The following VWF variants were observed in gnomAD, a reference collection of about 807,000 sequenced individuals.
VWF encodes the protein Factor VIII related antigen.
A neutral mutation model predicts 308.6 loss-of-function variants in VWF; 176 were observed. The observed-to-expected ratio is 0.57, with a 90% CI of 0.50 to 0.65. The LOEUF (loss-of-function observed/expected upper bound fraction) is 0.65. Among genes scored for constraint, VWF ranks in the 30% least tolerant of loss-of-function variants. The pLI is 0.00. For synonymous variants in VWF, 1,385 were observed against 1,443.4 expected (o/e 0.96, Z 0.92); for missense variants, 3,146 against 3,648.2 (o/e 0.86, Z 3.55).
chr12:6,057,630 C>T (rs1383257097), intron 14 of VWF, among the ~76,000 whole-genome samples: 2 of 148,702 alleles, frequency 1.3e-5, no homozygotes, highest in East Asian at 2.0e-4. Context: ...TTTTCTTTCC[C>T]GGGGGTTGGC....
intron 20 of VWF, among the ~76,000 whole-genome samples, chr12:6,033,111 T>C (rs1944291671): frequency 6.6e-6 from 1 of 152,222 alleles, no homozygotes; most frequent in Non-Finnish European, 1.5e-5. Context: ...AAGATTCCAT[T>C]CAACTTAATG....
Position 6,019,786 on chromosome 12 carries a change from C to G in VWF, c.3675-43G>C. 14 of 1,568,200 alleles carry G rather than the reference C, an allele frequency of 8.9e-6. No individual in the cohort carries two copies. Among genetic ancestry groups the G allele is most frequent in the Non-Finnish European group, 1.2e-5 (14 of 1,157,832 alleles). Reference sequence around the variant, plus strand: ...GAAATTAAAATGGTTCAGGAAGAACCTGTGGACACTTCTGAGCCCTACAGT... The same window carrying G: ...GAAATTAAAATGGTTCAGGAAGAACGTGTGGACACTTCTGAGCCCTACAGT... On this transcript the variant is annotated intron_variant, in intron 27 of 51. Transcript: ENST00000261405. This position sits in a 1 kb window ranked among gnomAD's most constrained non-coding sequence, Gnocchi z 5.8.
In VWF at chr12:6,024,800, G is replaced by C. The variant is rs1944171487; in HGVS notation, c.3222+780C>G. Among the ~76,000 whole-genome samples the C allele has an allele frequency of 6.6e-6, 1 of 152,220 alleles. No individual in the cohort carries two copies. The highest frequency in any genetic ancestry group is 6.5e-5 in the Admixed American group (1 of 15,280). ...GCACTTTGGGAGGCCGAGGTGGGTA[G>C]ATCACCTGAGTCAGGAGTTCAAGGC... On this transcript the variant is annotated intron_variant, in intron 24 of 51. Transcript: ENST00000261405. The surrounding 1 kb of genome is among the most constrained non-coding windows in gnomAD (Gnocchi z 4.0).
chr12:6,099,186 G>A (rs753643154), intron 5 of VWF, among the ~76,000 whole-genome samples: 1 of 151,918 alleles, frequency 6.6e-6, no homozygotes, highest in Non-Finnish European at 1.5e-5. Context: ...CAGGCGTGGG[G>A]GTGGATGCCT....
chr12:6,031,472 C>T lies in VWF; in HGVS notation c.2792G>A (p.Gly931Glu). 2.5e-6 allele frequency: 4 copies of T among 1,614,158 alleles called. No individual in the cohort carries two copies. Among genetic ancestry groups the T allele is most frequent in the Non-Finnish European group, 2.5e-6 (3 of 1,180,036 alleles). Residue 931 changes from glycine (G) to glutamate (E), a missense_variant, in exon 21 of 52, where the codon GGA becomes GAA. By Grantham distance (98) the Gly-to-Glu change is moderately conservative. Coordinates refer to ENST00000261405, the MANE Select transcript of VWF (RefSeq NM_000552.5). The part of the protein sequence containing the change: ...CKKRVTILVE[G>E]GEIELFDGEV... ...CCCGTCAAACAGCTCAATCTCTCCT[C>T]CCTCCACCAGGATGGTGACCCGTTT...
rs201456647 is a variant in VWF at position 6,062,971 on chromosome 12, C to T, written c.1516G>A (p.Gly506Arg). 2.4e-5 allele frequency: 39 copies of T among 1,612,910 alleles called. No individual in the cohort carries two copies. The highest frequency in any genetic ancestry group is 1.3e-4 in the African/African-American group (10 of 75,042). Residue 506 changes from glycine to arginine, a missense_variant, in exon 13 of 52, where the codon GGG becomes AGG. Gly to Arg is a moderately radical substitution (Grantham distance 125, BLOSUM62 -2). Around this residue, in one of 3 missense-constraint regions of VWF, gnomAD observed 1,304 missense variants for 1,353.0 expected, o/e 0.96. Transcript: ENST00000261405. ...GCACCTACCTTCACCAGCAGCCTCC[C>T]GCGGCCATCCCAGTCCATCTGCAGG... ...EDLQMDWDGR[G>R]RLLVKLSPVY...
chr12:5,968,267 C>G (rs1283782727), intron 45 of VWF, 100 bp from the exon 46 acceptor site: 26 of 1,462,300 alleles, frequency 1.8e-5, no homozygotes, highest in Non-Finnish European at 2.4e-5. Flanking sequence ...CGTGTCTGGG[C>G]CTCCCTCCTG....
intron 19 of VWF, among the ~76,000 whole-genome samples, chr12:6,035,652 G>A (rs773207299): frequency 5.3e-5 from 8 of 152,202 alleles, no homozygotes; most frequent in African/African-American, 1.7e-4. Context: ...GCACACTCAC[G>A]AAGTGCTCAT....
chr12:5,984,551 T>C (rs1283468721), intron 40 of VWF, among the ~76,000 whole-genome samples: 1 of 152,256 alleles, frequency 6.6e-6, no homozygotes, highest in Non-Finnish European at 1.5e-5. Flanking sequence ...AAGGCACTAA[T>C]GATTTCCTGC....
At chr12:6,047,976 C>T (rs1452985499) in intron 16 of VWF, among the ~76,000 whole-genome samples, 23 of 152,216 alleles carry the variant, frequency 1.5e-4, no homozygotes. Flanking sequence ...GGTGTGAATA[C>T]CTGACCTGCA....
intron 22 of VWF, among the ~76,000 whole-genome samples, chr12:6,028,279 C>G (rs11608587): frequency 0.25 from 37,888 of 152,120 alleles, 5,016 homozygotes; most frequent in African/African-American, 0.31. Flanking sequence ...GCCCATGACT[C>G]AATGATAAGG....
intron 41 of VWF, 141 bp downstream of exon 41, chr12:5,983,009 C>T: frequency 1.2e-6 from 1 of 838,460 alleles, no homozygotes. Flanking sequence ...CCCCTCTGTT[C>T]CAGATGTACT....
At chr12:6,049,727 A>G (rs535380470) in intron 16 of VWF, among the ~76,000 whole-genome samples, 46 of 152,262 alleles carry the variant, frequency 3.0e-4, no homozygotes, top group Middle Eastern at 3.4e-3. Flanking sequence ...CCAGAGAGAA[A>G]CTCCTGGCAA....
chr12:6,041,642 G>A (rs1224424646), intron 18 of VWF, among the ~76,000 whole-genome samples: 2 of 151,608 alleles, frequency 1.3e-5, no homozygotes, highest in Admixed American at 6.6e-5. Flanking sequence ...TAGAGACAGC[G>A]TTTCACCGTG....
chr12:5,961,788 A>C (rs1028245910), intron 47 of VWF, among the ~76,000 whole-genome samples: 1 of 151,946 alleles, frequency 6.6e-6, no homozygotes. Flanking sequence ...GCATCTACAC[A>C]AAAAAAATCA....
At chr12:5,985,506 G>A (rs1281330362) in intron 39 of VWF, 57 bp downstream of exon 39, 4 of 1,550,228 alleles carry the variant, frequency 2.6e-6, no homozygotes, top group African/African-American at 2.7e-5. Flanking sequence ...GTGGCTGGGG[G>A]GCCTTGCAGG....
intron 3 of VWF, among the ~76,000 whole-genome samples, chr12:6,115,235 C>T (rs1167216178): frequency 6.6e-6 from 1 of 151,834 alleles, no homozygotes; most frequent in Non-Finnish European, 1.5e-5. Context: ...ATGGGGGTCT[C>T]GCTATGTTGC....
intron 48 of VWF, 71 bp from the exon 49 acceptor site, chr12:5,952,590 T>A (rs933616258): frequency 6.3e-7 from 1 of 1,582,842 alleles, no homozygotes; most frequent in African/African-American, 1.3e-5. Flanking sequence ...AACCATGAGC[T>A]TGACTCCATG....
intron 6 of VWF, among the ~76,000 whole-genome samples, chr12:6,094,523 G>C (rs1054901929): frequency 5.9e-5 from 9 of 152,154 alleles, no homozygotes; most frequent in Non-Finnish European, 1.3e-4. Flanking sequence ...AAACAGAAAA[G>C]CATAGTTACT....
Sources: gnomAD v4.1 joint callset for allele counts (sites outside exome capture counted in the v4.1 genomes callset) on GRCh38, gnomAD v4.1.1 for gene constraint, gnomAD v4.1.1 regional missense constraint, Gnocchi (gnomAD v3.1) non-coding constraint, MANE v1.5 for transcripts, NCBI Gene and HGNC (gene_info 2026-07-23, HGNC 2026-07-21) for gene names.